DCC: variants seen among roughly 807,000 people sequenced by gnomAD.
DCC encodes the protein netrin receptor DCC.
DCC carries 58 observed loss-of-function variants against 172.5 expected under a neutral mutation model. The observed-to-expected ratio is 0.34, with a 90% confidence interval of 0.27 to 0.42. The LOEUF (loss-of-function observed/expected upper bound fraction) is 0.42. DCC is among the 10% of genes least tolerant of loss of function. DCC has a pLI of 1.00. For missense variants in DCC, 1,740 were observed against 1,791.0 expected (o/e 0.97, Z 0.51); for synonymous variants, 709 against 644.5 (o/e 1.10, Z -1.52).
intron 12 of DCC, among the ~76,000 whole-genome samples, chr18:53,256,871 A>G (rs1294500473): frequency 1.3e-5 from 2 of 152,082 alleles, no homozygotes; most frequent in Admixed American, 6.6e-5. Flanking sequence ...ATTTGTTTGT[A>G]TCCTCTTTGA....
intron 21 of DCC, among the ~76,000 whole-genome samples, chr18:53,420,691 T>A (rs1412012557): frequency 2.0e-5 from 3 of 152,132 alleles, no homozygotes; most frequent in Non-Finnish European, 4.4e-5. Flanking sequence ...TACCCTATGA[T>A]TTCATTTAAC....
intron 5 of DCC, among the ~76,000 whole-genome samples, chr18:53,013,125 A>T (rs1281578406): frequency 6.6e-6 from 1 of 152,158 alleles, no homozygotes; most frequent in Non-Finnish European, 1.5e-5. Context: ...TGTTGGTGGG[A>T]GTATAAATTA....
At chr18:52,399,678 AG>A (rs1986363379) in intron 1 of DCC, among the ~76,000 whole-genome samples, 1 of 151,890 alleles carries the variant, frequency 6.6e-6, no homozygotes, top group Non-Finnish European at 1.5e-5. Context: ...TATGAAACAG[AG>A]GTATTTGTTC....
At chr18:53,025,249 G>T (rs1599040099) in intron 5 of DCC, among the ~76,000 whole-genome samples, 1 of 152,104 alleles carries the variant, frequency 6.6e-6, no homozygotes, top group Non-Finnish European at 1.5e-5. Context: ...TTTTTAAAAT[G>T]ATATCACTAA....
chr18:52,542,628 G>A (rs1023139697), intron 1 of DCC, among the ~76,000 whole-genome samples: 1 of 152,124 alleles, frequency 6.6e-6, no homozygotes, highest in African/African-American at 2.4e-5. Flanking sequence ...TTGAGGTCAG[G>A]AGTTTGAAAC....
chr18:53,457,730 C>G (rs2045501042), intron 23 of DCC, among the ~76,000 whole-genome samples: 1 of 152,102 alleles, frequency 6.6e-6, no homozygotes, highest in Non-Finnish European at 1.5e-5. Flanking sequence ...GACACATAGA[C>G]ACTTAGAAAA....
intron 12 of DCC, among the ~76,000 whole-genome samples, chr18:53,263,095 A>T (rs1252913094): frequency 6.6e-6 from 1 of 152,206 alleles, no homozygotes; most frequent in Admixed American, 6.5e-5. Context: ...AATGTTAAAA[A>T]ATCATCTCTT....
chr18:52,489,714 A>C (rs1290164624), intron 1 of DCC, among the ~76,000 whole-genome samples: 1 of 152,094 alleles, frequency 6.6e-6, no homozygotes, highest in Non-Finnish European at 1.5e-5. Flanking sequence ...ACTCTCCCCC[A>C]GGTGAAGATC....
chr18:52,800,042 A>T (rs2145224827), intron 2 of DCC, among the ~76,000 whole-genome samples: 1 of 152,310 alleles, frequency 6.6e-6, no homozygotes, highest in Non-Finnish European at 1.5e-5. Flanking sequence ...CATTTGCTGA[A>T]CTAGTTTAAA....
intron 12 of DCC, among the ~76,000 whole-genome samples, chr18:53,225,819 A>G (rs1598923447): frequency 6.6e-6 from 1 of 152,144 alleles, no homozygotes; most frequent in East Asian, 1.9e-4. Flanking sequence ...TTGATTGCTC[A>G]GTTGCTGGCT....
chr18:53,425,563 T>TGG (rs1910880415), intron 21 of DCC, among the ~76,000 whole-genome samples: 1 of 151,972 alleles, frequency 6.6e-6, no homozygotes, highest in Admixed American at 6.6e-5. Context: ...GGTTTCACCA[T>TGG]GTTGGCCAGG....
At chr18:52,954,387 T>G (rs939172448) in intron 5 of DCC, among the ~76,000 whole-genome samples, 2 of 152,182 alleles carry the variant, frequency 1.3e-5, no homozygotes, top group African/African-American at 4.8e-5. Context: ...AATTTGTCAT[T>G]TTACTATATT....
At chr18:52,862,505 C>T (rs2039159135) in intron 2 of DCC, among the ~76,000 whole-genome samples, 1 of 152,038 alleles carries the variant, frequency 6.6e-6, no homozygotes, top group Non-Finnish European at 1.5e-5. Flanking sequence ...GAGTTGGAGA[C>T]CAGCCTGTAT....
At chr18:53,134,355 G>A (rs2043704883) in intron 7 of DCC, among the ~76,000 whole-genome samples, 1 of 152,030 alleles carries the variant, frequency 6.6e-6, no homozygotes, top group African/African-American at 2.4e-5. Context: ...AATAAAGGAG[G>A]AATTATAAGC....
At chr18:53,464,944 A>T (rs1391926361) in intron 24 of DCC, among the ~76,000 whole-genome samples, 1 of 143,548 alleles carries the variant, frequency 7.0e-6, no homozygotes, top group East Asian at 2.1e-4. Context: ...ACGCCACTGC[A>T]CTCCAGCCTG....
At position 53,185,404 on chromosome 18, in the gene DCC, G is replaced by A. The variant is rs541933916; in HGVS notation, c.1573+6288G>A. Among the ~76,000 whole-genome samples the A allele has an allele frequency of 4.8e-3, 725 of 152,154 alleles. 4 individuals carry two copies. The highest frequency in any genetic ancestry group is 7.9e-3 in the Non-Finnish European group (534 of 67,998). On this transcript the variant is annotated intron_variant, in intron 9 of 28. Coordinates refer to ENST00000442544, the MANE Select transcript of DCC (RefSeq NM_005215.4). ...AATATTTATTTTGTGCTAAGTTCTA[G>A]AACTACAGTTTCCAGTACAGTAACC...
Position 52,561,975 on chromosome 18 carries a change from G to A in DCC, c.92-190079G>A, listed in dbSNP as rs1243353644. On this transcript the variant is annotated intron_variant, in intron 1 of 28. Coordinates refer to ENST00000442544, the MANE Select transcript of DCC (RefSeq NM_005215.4). ...TTATTATTTCACAAGTGTTAATTAA[G>A]AATGGTTAATTGTCTGCTATCCTTA... 2.0e-5 allele frequency among the ~76,000 whole-genome samples: 3 copies of A among 152,132 alleles called. No individual in the cohort carries two copies. In the South Asian group the frequency reaches 6.2e-4, roughly 31 times the overall value.
intron 1 of DCC, among the ~76,000 whole-genome samples, chr18:52,656,566 T>A (rs1368705618): frequency 1.3e-5 from 2 of 152,146 alleles, no homozygotes; most frequent in Non-Finnish European, 2.9e-5. Flanking sequence ...CCATCACATA[T>A]TATGTGACAT....
chr18:53,093,535 C>T (rs975073734), intron 7 of DCC, among the ~76,000 whole-genome samples: 1 of 152,118 alleles, frequency 6.6e-6, no homozygotes, highest in African/African-American at 2.4e-5. Flanking sequence ...AAAAAGGAAG[C>T]GTTAGGCATG....
Sources: allele counts gnomAD v4.1 joint callset (sites outside exome capture counted in the v4.1 genomes callset), GRCh38; gene constraint gnomAD v4.1.1; transcripts MANE v1.5; gene names NCBI Gene and HGNC (gene_info 2026-07-23, HGNC 2026-07-21).